Variants in MITF observed in about 807,000 individuals in gnomAD.
MITF encodes melanocyte inducing transcription factor, also known as microphthalmia-associated transcription factor.
MITF carries 17 observed loss-of-function variants against 60.5 expected under a neutral mutation model. That is an observed-to-expected ratio of 0.28 (90% CI 0.19 to 0.42). The LOEUF is 0.42. Ranked by LOEUF, MITF falls within the 10% of genes least tolerant of loss-of-function variation. The pLI is 1.00. For missense variants in MITF, 622 were observed against 683.5 expected (o/e 0.91, Z 1.00); for synonymous variants, 260 against 248.5 (o/e 1.05, Z -0.43).
At chr3:69,776,192 C>T (rs1293931876) in intron 1 of MITF, among the ~76,000 whole-genome samples, 1 of 152,150 alleles carries the variant, frequency 6.6e-6, no homozygotes, top group Non-Finnish European at 1.5e-5. Context: ...TGACCCTGGG[C>T]CACTGAATTA....
At chr3:69,951,156 G>C (rs2066241417) in intron 6 of MITF, among the ~76,000 whole-genome samples, 1 of 146,236 alleles carries the variant, frequency 6.8e-6, no homozygotes, top group Non-Finnish European at 1.5e-5. Flanking sequence ...GGTGTGCAGT[G>C]GTGTGATCAC....
chr3:69,817,287 A>T (rs1479246113), intron 1 of MITF, among the ~76,000 whole-genome samples: 2 of 152,136 alleles, frequency 1.3e-5, no homozygotes, highest in African/African-American at 4.8e-5. Flanking sequence ...CCCCCTCAAA[A>T]GCAGGCCTTT....
chr3:69,819,857 T>C (rs56056340), intron 1 of MITF, among the ~76,000 whole-genome samples: 51,425 of 152,046 alleles, frequency 0.34, 9,725 homozygotes, highest in Non-Finnish European at 0.43. Flanking sequence ...CCCAGCTACC[T>C]GGGAGGCTAA....
chr3:69,807,536 A>G (rs1464644572), intron 1 of MITF, among the ~76,000 whole-genome samples: 3 of 152,218 alleles, frequency 2.0e-5, no homozygotes, highest in African/African-American at 7.2e-5. Context: ...ATGGAAATGT[A>G]ATTTCATTTC....
At chr3:69,926,449 G>C (rs1369797216) in intron 2 of MITF, among the ~76,000 whole-genome samples, 1 of 152,160 alleles carries the variant, frequency 6.6e-6, no homozygotes, top group African/African-American at 2.4e-5. Context: ...TGACAAACTT[G>C]ACCACTGCCA....
intron 1 of MITF, among the ~76,000 whole-genome samples, chr3:69,765,714 A>G (rs1049043089): frequency 1.3e-5 from 2 of 152,204 alleles, no homozygotes. Flanking sequence ...TTGGATTAGG[A>G]ATACAAATAT....
chr3:69,925,135 A>G (rs1270403597), intron 2 of MITF, among the ~76,000 whole-genome samples: 2 of 152,092 alleles, frequency 1.3e-5, no homozygotes, highest in African/African-American at 4.8e-5. Context: ...AGCATTTACT[A>G]TGTGCCAAGT....
intron 1 of MITF, among the ~76,000 whole-genome samples, chr3:69,871,877 T>C (rs2064245286): frequency 6.6e-6 from 1 of 152,248 alleles, no homozygotes; most frequent in Non-Finnish European, 1.5e-5. Flanking sequence ...TTTTTAAAAA[T>C]TGCTTTTTCT....
chr3:69,936,787 T>C, intron 2 of MITF: 1 of 1,588,524 alleles, frequency 6.3e-7, no homozygotes, highest in Non-Finnish European at 8.6e-7. Flanking sequence ...ATTCAGTCTT[T>C]GAAATATAAT....
intron 2 of MITF, among the ~76,000 whole-genome samples, chr3:69,933,034 T>A (rs1486863817): frequency 6.6e-6 from 1 of 151,914 alleles, no homozygotes; most frequent in East Asian, 1.9e-4. Flanking sequence ...TATATATATA[T>A]AAAGCCATTT....
At chr3:69,769,407 A>T (rs1348080216) in intron 1 of MITF, 1 of 151,936 alleles carries the variant, frequency 6.6e-6, no homozygotes, top group Non-Finnish European at 1.5e-5. Context: ...TTATTTTTTG[A>T]CTACTTATTT....
intron 8 of MITF, among the ~76,000 whole-genome samples, chr3:69,958,896 G>A (rs2066466583): frequency 1.3e-5 from 2 of 152,082 alleles, no homozygotes; most frequent in South Asian, 2.1e-4. Flanking sequence ...GGCAACACTA[G>A]GCACGTGGCA....
intron 1 of MITF, among the ~76,000 whole-genome samples, chr3:69,789,017 T>C (rs1245150663): frequency 6.6e-6 from 1 of 151,990 alleles, no homozygotes; most frequent in East Asian, 1.9e-4. Flanking sequence ...GGAAAAAACA[T>C]AGTGATATTG....
At chr3:69,810,438 C>T (rs1321754199) in intron 1 of MITF, among the ~76,000 whole-genome samples, 3 of 152,116 alleles carry the variant, frequency 2.0e-5, no homozygotes, top group Non-Finnish European at 4.4e-5. Context: ...CCAGTGTGAG[C>T]TTGGGCAGTC....
chr3:69,865,756 T>C (rs1244734940), intron 1 of MITF, among the ~76,000 whole-genome samples: 1 of 152,064 alleles, frequency 6.6e-6, no homozygotes, highest in African/African-American at 2.4e-5. Context: ...ATTATCAAGC[T>C]CCAAAAATGC....
intron 1 of MITF, among the ~76,000 whole-genome samples, chr3:69,798,570 A>C (rs1367739003): frequency 1.3e-5 from 2 of 152,218 alleles, no homozygotes; most frequent in Admixed American, 6.5e-5. Context: ...TCCACATCTC[A>C]GTATTTTTGC....
rs751745642 is a variant in MITF at position 69,964,837 on chromosome 3, CTT to C, written c.1180-9_1180-8del. 1 of 1,613,750 alleles carries C rather than the reference CTT, an allele frequency of 6.2e-7. No individual in the cohort carries two copies. Among genetic ancestry groups the C allele is most frequent in the Non-Finnish European group, 8.5e-7 (1 of 1,179,848 alleles). On this transcript the variant is annotated splice_region_variant and splice_polypyrimidine_tract_variant and intron_variant, in intron 9 of 9. Transcript: ENST00000352241. Reference sequence around the variant, plus strand: ...CCTATTTCAGTGTTTTATCTTTACTCTTATTATAGGAACTTGAAATGCAGGCT... The same window carrying C: ...CCTATTTCAGTGTTTTATCTTTACTCATTATAGGAACTTGAAATGCAGGCT...
chr3:69,936,666 T>C (rs2065841905), intron 2 of MITF: 1 of 1,610,488 alleles, frequency 6.2e-7, no homozygotes, highest in East Asian at 2.2e-5. Flanking sequence ...TTATAGAAAG[T>C]AGAGGGAGGG....
chr3:69,893,044 C>T (rs1262434733), intron 2 of MITF, among the ~76,000 whole-genome samples: 2 of 152,172 alleles, frequency 1.3e-5, no homozygotes, highest in East Asian at 3.9e-4. Context: ...CATGCACGTC[C>T]AGCACGATGA....
Sources: allele counts gnomAD v4.1 joint callset (sites outside exome capture counted in the v4.1 genomes callset), GRCh38; gene constraint gnomAD v4.1.1; transcripts MANE v1.5; gene names NCBI Gene and HGNC (gene_info 2026-07-23, HGNC 2026-07-21).